FCHSD2: variants seen among roughly 807,000 people sequenced by gnomAD.
FCHSD2 encodes the protein FCH and double SH3 domains 2.
In FCHSD2, 38 loss-of-function variants were observed where a neutral mutation model predicts 108.1. That is an observed-to-expected ratio of 0.35 (90% confidence interval 0.27 to 0.46). FCHSD2 has a LOEUF of 0.46. Ranked by LOEUF, FCHSD2 falls within the 20% of genes least tolerant of loss-of-function variation. FCHSD2 has a pLI of 1.00. For missense variants in FCHSD2, 751 were observed against 897.8 expected (o/e 0.84, Z 2.09); for synonymous variants, 279 against 314.7 (o/e 0.89, Z 1.20).
At chr11:72,839,474 C>T (rs1290073844) in intron 19 of FCHSD2, among the ~76,000 whole-genome samples, 1 of 152,094 alleles carries the variant, frequency 6.6e-6, no homozygotes, top group Non-Finnish European at 1.5e-5. Flanking sequence ...TTTTGTAATC[C>T]TCTGAATGAG....
chr11:72,859,361 C>T (rs567746821), intron 13 of FCHSD2, among the ~76,000 whole-genome samples: 9 of 152,266 alleles, frequency 5.9e-5, no homozygotes, highest in East Asian at 3.9e-4. Context: ...GTGGCCATCT[C>T]GGTTATCCCA....
intron 6 of FCHSD2, among the ~76,000 whole-genome samples, chr11:72,985,932 C>A (rs1455921222): frequency 6.6e-6 from 1 of 152,072 alleles, no homozygotes; most frequent in Non-Finnish European, 1.5e-5. Context: ...ACTTCAGTGT[C>A]AGGGTGATTT....
intron 3 of FCHSD2, among the ~76,000 whole-genome samples, chr11:73,082,335 C>CAAAAAAAAA (rs750423401): frequency 0.011 from 382 of 34,384 alleles, 6 homozygotes; most frequent in Non-Finnish European, 0.015. Context: ...AGACTTGTCC[C>CAAAAAAAAA]AAAAAAAAAA....
chr11:72,973,237 T>C (rs907844580), intron 8 of FCHSD2, among the ~76,000 whole-genome samples: 4 of 151,880 alleles, frequency 2.6e-5, no homozygotes, highest in Non-Finnish European at 4.4e-5. Context: ...TGTGGTGGCA[T>C]GTGCCTGTAA....
At chr11:72,911,739 A>G (rs1855768207) in intron 9 of FCHSD2, among the ~76,000 whole-genome samples, 1 of 151,904 alleles carries the variant, frequency 6.6e-6, no homozygotes, top group Non-Finnish European at 1.5e-5. Flanking sequence ...GGTTAGTTAC[A>G]TATGTTCGCT....
intron 3 of FCHSD2, among the ~76,000 whole-genome samples, chr11:73,059,968 T>C (rs1859123030): frequency 6.6e-6 from 1 of 152,242 alleles, no homozygotes; most frequent in Non-Finnish European, 1.5e-5. Flanking sequence ...ATCAGTACAT[T>C]CTCAGGTATT....
At chr11:72,976,027 T>G (rs1024068204) in intron 8 of FCHSD2, among the ~76,000 whole-genome samples, 1 of 152,200 alleles carries the variant, frequency 6.6e-6, no homozygotes. Context: ...AAGGAACATG[T>G]GAGGAACAAA....
At chr11:72,933,973 G>A (rs564930348) in intron 8 of FCHSD2, among the ~76,000 whole-genome samples, 21 of 152,006 alleles carry the variant, frequency 1.4e-4, no homozygotes, top group East Asian at 9.7e-4. Flanking sequence ...GCCAGGTGTG[G>A]TGGTATGTGG....
intron 9 of FCHSD2, among the ~76,000 whole-genome samples, chr11:72,905,325 A>G (rs2135279460): frequency 6.6e-6 from 1 of 152,252 alleles, no homozygotes; most frequent in South Asian, 2.1e-4. Flanking sequence ...TTTATGGGGT[A>G]CATAAGATAT....
chr11:72,985,357 C>CAAAA (rs35241897), intron 6 of FCHSD2, among the ~76,000 whole-genome samples: 1 of 47,390 alleles, frequency 2.1e-5, no homozygotes. Flanking sequence ...CCAGAATGAC[C>CAAAA]AAAAAAAAAA....
chr11:72,919,164 C>T (rs748950790), intron 9 of FCHSD2, among the ~76,000 whole-genome samples: 1 of 152,138 alleles, frequency 6.6e-6, no homozygotes, highest in East Asian at 1.9e-4. Flanking sequence ...CTTTAGGTTG[C>T]TTTCAGCAGC....
At chr11:73,054,788 C>A (rs932502889) in intron 3 of FCHSD2, among the ~76,000 whole-genome samples, 3 of 152,142 alleles carry the variant, frequency 2.0e-5, no homozygotes, top group Non-Finnish European at 2.9e-5. Context: ...TGATCCCCCC[C>A]ACCTCGGCCT....
intron 3 of FCHSD2, among the ~76,000 whole-genome samples, chr11:73,016,279 GGTGACAGA>G (rs1342887384): frequency 6.6e-6 from 1 of 151,180 alleles, no homozygotes. Flanking sequence ...CTCCAGCCTG[GGTGACAGA>G]GTGAGGCTCT....
chr11:72,842,696 T>C lies in FCHSD2; in HGVS notation c.1851A>G (p.Gly617=). 6.2e-7 allele frequency: 1 copy of C among 1,614,010 alleles called. No homozygotes were observed. Among genetic ancestry groups the C allele is most frequent in the Non-Finnish European group, 8.5e-7 (1 of 1,179,898 alleles). The change falls in exon 17 of 20, where the codon GGA becomes GGG. Residue 617 remains glycine (G), a synonymous_variant. Coordinates refer to ENST00000409418, the MANE Select transcript of FCHSD2 (RefSeq NM_014824.3). ...CTTCCACTAGCACCGATGGGAAAAC[T>C]CCAATACGCCCATTGAATTCCCCTT... is the stretch of plus-strand genomic sequence containing the variant. ...FWEGEFNGRI[G]VFPSVLVEEL...
intron 14 of FCHSD2, chr11:72,843,786 G>T: frequency 2.3e-6 from 1 of 428,774 alleles, no homozygotes; most frequent in Non-Finnish European, 4.1e-6. Flanking sequence ...AACAGAACAT[G>T]TAAGCCTGGG....
intron 12 of FCHSD2, among the ~76,000 whole-genome samples, chr11:72,879,947 C>T (rs951966188): frequency 8.1e-5 from 12 of 148,448 alleles, no homozygotes; most frequent in East Asian, 2.0e-4. Flanking sequence ...TGACGTGAGC[C>T]GAGATCGCGC....
intron 2 of FCHSD2, among the ~76,000 whole-genome samples, chr11:73,133,630 T>C (rs1861053878): frequency 6.6e-6 from 1 of 151,846 alleles, no homozygotes; most frequent in Non-Finnish European, 1.5e-5. Flanking sequence ...ACCCCATCTC[T>C]ACTAAAAATT....
At chr11:72,973,348 C>A (rs1423538518) in intron 8 of FCHSD2, among the ~76,000 whole-genome samples, 1 of 147,734 alleles carries the variant, frequency 6.8e-6, no homozygotes, top group East Asian at 2.0e-4. Flanking sequence ...GCCTGGGCAA[C>A]AAGAGGAAAG....
At chr11:72,895,008 T>A (rs1293209334) in intron 10 of FCHSD2, among the ~76,000 whole-genome samples, 1 of 152,202 alleles carries the variant, frequency 6.6e-6, no homozygotes, top group Non-Finnish European at 1.5e-5. Flanking sequence ...GACTGTAGAC[T>A]TTTAAGTCAC....
Sources: allele counts gnomAD v4.1 joint callset (sites outside exome capture counted in the v4.1 genomes callset), GRCh38; gene constraint gnomAD v4.1.1; transcripts MANE v1.5; gene names NCBI Gene and HGNC (gene_info 2026-07-23, HGNC 2026-07-21).